The following ABTB3 variants were observed in gnomAD, a reference collection of about 807,000 sequenced individuals.
ABTB3 encodes ankyrin repeat and BTB domain containing 3.
At chr12:107,381,373 G>C in the ABTB3 span, among the ~76,000 whole-genome samples, 2 of 152,226 alleles carry the variant, frequency 1.3e-5, no homozygotes, top group Non-Finnish European at 2.9e-5. Flanking sequence ...TACAGGGTTA[G>C]GGCAAGGGCA....
the ABTB3 span, chr12:107,649,155 T>C: frequency 8.5e-6 from 13 of 1,521,698 alleles, no homozygotes; most frequent in East Asian, 2.9e-4. Context: ...CCGAATGGCT[T>C]TGAGATGATG....
the ABTB3 span, among the ~76,000 whole-genome samples, chr12:107,562,529 G>C: frequency 6.6e-6 from 1 of 152,256 alleles, no homozygotes; most frequent in Non-Finnish European, 1.5e-5. Context: ...TAGAGTAAGT[G>C]AGTGGGGAGT....
At chr12:107,482,827 T>TTTTCTTTC in the ABTB3 span, among the ~76,000 whole-genome samples, 1 of 150,970 alleles carries the variant, frequency 6.6e-6, no homozygotes, top group African/African-American at 2.4e-5. Flanking sequence ...CTTTCTTTCT[T>TTTTCTTTC]TTTCTTTCTT....
the ABTB3 span, among the ~76,000 whole-genome samples, chr12:107,466,151 G>A: frequency 1.4e-3 from 219 of 152,174 alleles, no homozygotes; most frequent in African/African-American, 4.9e-3. Context: ...TGCTTGTGGT[G>A]GTATTTGGGA....
At chr12:107,355,738 A>G in the ABTB3 span, among the ~76,000 whole-genome samples, 1 of 152,230 alleles carries the variant, frequency 6.6e-6, no homozygotes, top group Non-Finnish European at 1.5e-5. Flanking sequence ...TGGTTAAATC[A>G]TTTGTTTAGT....
chr12:107,591,512 C>T, the ABTB3 span, among the ~76,000 whole-genome samples: 51 of 152,220 alleles, frequency 3.4e-4, no homozygotes, highest in African/African-American at 1.1e-3. Flanking sequence ...CTCACTATCA[C>T]GAGAACAGCA....
the ABTB3 span, among the ~76,000 whole-genome samples, chr12:107,327,183 A>G: frequency 2.6e-5 from 4 of 152,220 alleles, no homozygotes; most frequent in African/African-American, 4.8e-5. Context: ...TCAACAATTT[A>G]GTAAGACTTT....
chr12:107,528,186 G>A, the ABTB3 span, among the ~76,000 whole-genome samples: 4 of 152,150 alleles, frequency 2.6e-5, no homozygotes, highest in East Asian at 5.8e-4. Flanking sequence ...TTTCTTGGGG[G>A]CTCCACAGAT....
the ABTB3 span, among the ~76,000 whole-genome samples, chr12:107,648,101 C>A: frequency 6.6e-6 from 1 of 152,062 alleles, no homozygotes; most frequent in Non-Finnish European, 1.5e-5. Flanking sequence ...ACAATAGGGG[C>A]CGGGCACAGT....
At chr12:107,370,963 A>T in the ABTB3 span, among the ~76,000 whole-genome samples, 1 of 151,928 alleles carries the variant, frequency 6.6e-6, no homozygotes, top group African/African-American at 2.4e-5. Flanking sequence ...ACTATACGGC[A>T]GCCCTCAGAG....
chr12:107,455,469 A>C, the ABTB3 span, among the ~76,000 whole-genome samples: 1 of 151,302 alleles, frequency 6.6e-6, no homozygotes, highest in African/African-American at 2.4e-5. Flanking sequence ...TCCCCTACAG[A>C]TAGTGAGCTC....
At chr12:107,356,594 C>T in the ABTB3 span, among the ~76,000 whole-genome samples, 3 of 152,274 alleles carry the variant, frequency 2.0e-5, no homozygotes, top group East Asian at 5.8e-4. Flanking sequence ...TCACTTTGAT[C>T]CCTGATGGAA....
chr12:107,563,427 G>A, the ABTB3 span, among the ~76,000 whole-genome samples: 556 of 152,318 alleles, frequency 3.7e-3, 3 homozygotes, highest in African/African-American at 0.013. Flanking sequence ...GAAGCTGACA[G>A]TCTAGCAGAG....
chr12:107,473,022 G>A, the ABTB3 span, among the ~76,000 whole-genome samples: 10 of 152,284 alleles, frequency 6.6e-5, no homozygotes, highest in Middle Eastern at 3.4e-3. Context: ...GCCCCAGGTG[G>A]CCCAGGGAAC....
At chr12:107,530,519 A>C in the ABTB3 span, among the ~76,000 whole-genome samples, 1 of 152,252 alleles carries the variant, frequency 6.6e-6, no homozygotes, top group South Asian at 2.1e-4. Context: ...GTCCTTGGTC[A>C]ACACTTTGGG....
At chr12:107,554,983 C>T in the ABTB3 span, among the ~76,000 whole-genome samples, 55 of 152,096 alleles carry the variant, frequency 3.6e-4, no homozygotes, top group Admixed American at 6.6e-4. Flanking sequence ...TGCAGGGCCT[C>T]GACTCCCCTT....
At chr12:107,657,944 C>A in the ABTB3 span, 2 of 582,254 alleles carry the variant, frequency 3.4e-6, no homozygotes, top group South Asian at 4.1e-5. Context: ...ACCAAGTTAA[C>A]CCCAATTGAA....
chr12:107,502,708 G>A, the ABTB3 span, among the ~76,000 whole-genome samples: 5 of 152,210 alleles, frequency 3.3e-5, no homozygotes, highest in South Asian at 2.1e-4. Context: ...CCTCCTGTCC[G>A]ATCAGTGGCA....
chr12:107,331,992 A>C, the ABTB3 span, among the ~76,000 whole-genome samples: 1 of 152,212 alleles, frequency 6.6e-6, no homozygotes, highest in Admixed American at 6.5e-5. Flanking sequence ...GATTAAGGAA[A>C]CAGACCAAGA....
Sources: gnomAD v4.1 joint callset for allele counts (sites outside exome capture counted in the v4.1 genomes callset) on GRCh38, gnomAD v4.1.1 for gene constraint, MANE v1.5 for transcripts, NCBI Gene and HGNC (gene_info 2026-07-23, HGNC 2026-07-21) for gene names.